Variants in SPECC1L observed in about 807,000 individuals in gnomAD.
The protein encoded by SPECC1L is cytospin-A.
A neutral mutation model predicts 116.8 loss-of-function variants in SPECC1L; 40 were observed. That is an observed-to-expected ratio of 0.34 (90% CI 0.27 to 0.45). The LOEUF (loss-of-function observed/expected upper bound fraction) is 0.45, where lower values mean the gene tolerates loss of function less well. SPECC1L is among the 20% of genes least tolerant of loss of function. SPECC1L has a pLI of 1.00. For missense variants in SPECC1L, 1,110 were observed against 1,373.6 expected (o/e 0.81, Z 3.03); for synonymous variants, 504 against 500.6 (o/e 1.01, Z -0.09).
intron 14 of SPECC1L, among the ~76,000 whole-genome samples, chr22:24,401,115 C>T (rs1601352197): frequency 6.6e-6 from 1 of 152,208 alleles, no homozygotes; most frequent in Non-Finnish European, 1.5e-5. Context: ...ACTTAGAGCT[C>T]ACTCCTCCCA....
At chr22:24,330,134 A>C (rs1420077556) in intron 7 of SPECC1L, 122 bp from the exon 8 acceptor site, 1 of 982,292 alleles carries the variant, frequency 1.0e-6, no homozygotes, top group African/African-American at 1.7e-5. Context: ...GGATTAAAAA[A>C]ATTAATCATC....
chr22:24,400,976 A>G (rs549204580), intron 14 of SPECC1L, among the ~76,000 whole-genome samples: 72 of 152,326 alleles, frequency 4.7e-4, no homozygotes, highest in African/African-American at 1.7e-3. Context: ...AATATGCACT[A>G]AAGTCATGAG....
chr22:24,362,975 G>A (rs1377194931), intron 11 of SPECC1L, among the ~76,000 whole-genome samples: 1 of 152,154 alleles, frequency 6.6e-6, no homozygotes, highest in African/African-American at 2.4e-5. Flanking sequence ...GAATTTTGGT[G>A]GAATTGCATC....
chr22:24,319,100 T>C (rs932728827), intron 4 of SPECC1L, among the ~76,000 whole-genome samples: 9 of 152,184 alleles, frequency 5.9e-5, no homozygotes, highest in Non-Finnish European at 1.3e-4. Flanking sequence ...CCCACATTCC[T>C]CCTCTGCTGC....
chr22:24,321,494 G>A lies in SPECC1L; in HGVS notation c.514G>A (p.Asp172Asn), dbSNP rs200994521. The stretch of plus-strand genomic sequence containing the variant: ...CGTTCGTATGAGCAAGTCTAAGTCA[G>A]ACAATCAGATCAGTGACAGAGCTGC... ...CDVRMSKSKSDNQISDRAALE... is the reference protein window; with the variant it reads ...CDVRMSKSKSNNQISDRAALE... The change falls in exon 5 of 17, where the codon GAC (aspartate) becomes AAC (asparagine). Residue 172 changes from aspartate to asparagine, a missense_variant. Around this residue, in one of 4 missense-constraint regions of SPECC1L, gnomAD observed 437 missense variants for 482.6 expected, o/e 0.91. Coordinates refer to ENST00000314328, the MANE Select transcript of SPECC1L (RefSeq NM_015330.6). 1.1e-5 allele frequency: 18 copies of A among 1,614,130 alleles called. No homozygotes were observed. The highest frequency in any genetic ancestry group is 1.4e-5 in the Non-Finnish European group (16 of 1,180,044).
At chr22:24,285,328 T>TA (rs2049019973) in intron 2 of SPECC1L, among the ~76,000 whole-genome samples, 1 of 152,252 alleles carries the variant, frequency 6.6e-6, no homozygotes, top group African/African-American at 2.4e-5. Context: ...TTTTCCTTGT[T>TA]AGTTTCCACA....
At chr22:24,363,463 G>T in intron 12 of SPECC1L, 119 bp downstream of exon 12, 1 of 873,112 alleles carries the variant, frequency 1.1e-6, no homozygotes, top group Non-Finnish European at 1.9e-6. Flanking sequence ...CTGGCCTCAA[G>T]CTGTCCTCTC....
intron 3 of SPECC1L, among the ~76,000 whole-genome samples, chr22:24,312,636 C>T (rs1185757412): frequency 3.3e-5 from 5 of 152,090 alleles, no homozygotes; most frequent in Non-Finnish European, 4.4e-5. Flanking sequence ...AATAAATTTA[C>T]AGCCAATTTA....
chr22:24,353,774 G>A (rs1431350809), intron 11 of SPECC1L, among the ~76,000 whole-genome samples: 1 of 152,124 alleles, frequency 6.6e-6, no homozygotes, highest in African/African-American at 2.4e-5. Flanking sequence ...ATTTTATCAG[G>A]GGTACATGAG....
chr22:24,298,423 T>A (rs1339278856), intron 2 of SPECC1L, among the ~76,000 whole-genome samples: 1 of 152,122 alleles, frequency 6.6e-6, no homozygotes, highest in Non-Finnish European at 1.5e-5. Context: ...TTGAAACATA[T>A]CCCCCTCGGA....
intron 2 of SPECC1L, among the ~76,000 whole-genome samples, chr22:24,296,471 T>G (rs1417188284): frequency 6.6e-6 from 1 of 152,260 alleles, no homozygotes; most frequent in Non-Finnish European, 1.5e-5. Context: ...TCCACAATGT[T>G]TTTATGAGGA....
intron 14 of SPECC1L, among the ~76,000 whole-genome samples, chr22:24,384,127 A>T (rs1215601581): frequency 1.3e-5 from 2 of 152,096 alleles, no homozygotes; most frequent in Non-Finnish European, 1.5e-5. Context: ...TGTAATGGAG[A>T]CAAGGGACAT....
chr22:24,322,383 C>G lies in SPECC1L; in HGVS notation c.1403C>G (p.Ser468Cys), dbSNP rs200004718. 2 of 1,614,178 alleles carry G rather than the reference C, an allele frequency of 1.2e-6. No homozygotes were observed. Among genetic ancestry groups the G allele is most frequent in the Non-Finnish European group, 1.7e-6 (2 of 1,180,046 alleles). Residue 468 changes from serine to cysteine, a missense_variant, in exon 5 of 17, where the codon TCT becomes TGT. Around this residue, in one of 4 missense-constraint regions of SPECC1L, gnomAD observed 575 missense variants for 682.4 expected, o/e 0.84. Coordinates refer to ENST00000314328, the MANE Select transcript of SPECC1L (RefSeq NM_015330.6). ...HFSRQIEYFR[S>C]LLDEHHISYV... ...AGTCGACAGATTGAATACTTCCGCT[C>G]TCTTCTAGATGAGCATCACATTTCT...
At chr22:24,319,803 TC>T (rs2040683448) in intron 4 of SPECC1L, among the ~76,000 whole-genome samples, 1 of 152,234 alleles carries the variant, frequency 6.6e-6, no homozygotes, top group Non-Finnish European at 1.5e-5. Context: ...GATCATTTGC[TC>T]CCTGTTACCT....
At chr22:24,412,749 C>T in intron 16 of SPECC1L, 42 bp downstream of exon 16, 2 of 1,604,678 alleles carry the variant, frequency 1.2e-6, no homozygotes, top group East Asian at 2.2e-5. Flanking sequence ...GGCCCTCCTT[C>T]TGGTTAAGAA....
intron 6 of SPECC1L, among the ~76,000 whole-genome samples, chr22:24,325,162 G>C (rs918220614): frequency 6.6e-6 from 1 of 152,198 alleles, no homozygotes; most frequent in Non-Finnish European, 1.5e-5. Flanking sequence ...GAAGATCATA[G>C]TAGTAGTTCT....
Position 24,330,939 on chromosome 22 carries a change from A to G in SPECC1L, c.2396+508A>G, listed in dbSNP as rs151103274. On this transcript the variant is annotated intron_variant, in intron 8 of 16. Transcript: ENST00000314328. Reference sequence around the variant, plus strand: ...ATAATGCCTGCCAAGTGCTCAGGGCAATGATCAGTATACTTTAGCTGGTAT... The same window carrying G: ...ATAATGCCTGCCAAGTGCTCAGGGCGATGATCAGTATACTTTAGCTGGTAT... Among the ~76,000 whole-genome samples, 491 of 152,362 alleles carry G rather than the reference A, an allele frequency of 3.2e-3. 2 individuals are homozygous for G. Among genetic ancestry groups the G allele is most frequent in the Middle Eastern group, 0.014 (4 of 294 alleles).
At chr22:24,279,799 GTCT>G (rs1821000775) in intron 2 of SPECC1L, among the ~76,000 whole-genome samples, 1 of 152,078 alleles carries the variant, frequency 6.6e-6, no homozygotes, top group Admixed American at 6.5e-5. Context: ...GCTCAGGCTG[GTCT>G]TCTGACCTCA....
chr22:24,380,604 G>A (rs1459034734), intron 14 of SPECC1L, among the ~76,000 whole-genome samples: 2 of 152,156 alleles, frequency 1.3e-5, no homozygotes, highest in Non-Finnish European at 2.9e-5. Context: ...TACAAAACAA[G>A]CCCTTATGAG....
Sources: allele counts gnomAD v4.1 joint callset (sites outside exome capture counted in the v4.1 genomes callset), GRCh38; gene constraint gnomAD v4.1.1; regional missense constraint gnomAD v4.1.1; transcripts MANE v1.5; gene names NCBI Gene and HGNC (gene_info 2026-07-23, HGNC 2026-07-21).